DLGAP1: variants seen among roughly 807,000 people sequenced by gnomAD.
The protein encoded by DLGAP1 is disks large-associated protein 1.
In DLGAP1, 11 loss-of-function variants were observed where a neutral mutation model predicts 90.8. The observed-to-expected ratio is 0.12, with a 90% CI of 0.08 to 0.20. The LOEUF (loss-of-function observed/expected upper bound fraction) is 0.20. DLGAP1 is among the 10% of genes least tolerant of loss of function. The pLI is 1.00. For missense variants in DLGAP1, 1,050 were observed against 1,333.8 expected, an observed-to-expected ratio of 0.79 and a Z score of 3.31; for synonymous variants, 558 against 540.7, an observed-to-expected ratio of 1.03 and a Z score of -0.44.
chr18:4,149,780 C>A (rs764535258), intron 2 of DLGAP1, among the ~76,000 whole-genome samples: 4 of 152,178 alleles, frequency 2.6e-5, no homozygotes, highest in Non-Finnish European at 5.9e-5. Context: ...AGTTTTATCC[C>A]GAAACCATCT....
At chr18:3,543,166 A>ATTTTTTTTTTTT (rs76751283) in intron 9 of DLGAP1, among the ~76,000 whole-genome samples, 5 of 64,122 alleles carry the variant, frequency 7.8e-5, no homozygotes, top group Admixed American at 1.9e-4. Flanking sequence ...CATGACTCCA[A>ATTTTTTTTTTTT]TTTTTTTTTT....
chr18:3,548,980 T>C (rs2053221175), intron 9 of DLGAP1, among the ~76,000 whole-genome samples: 1 of 151,908 alleles, frequency 6.6e-6, no homozygotes, highest in South Asian at 2.1e-4. Context: ...GAGGTGGCAG[T>C]AAGCCAAGAT....
At chr18:4,429,109 C>T (rs1011837732) in intron 1 of DLGAP1, among the ~76,000 whole-genome samples, 1 of 152,092 alleles carries the variant, frequency 6.6e-6, no homozygotes, top group Non-Finnish European at 1.5e-5. Flanking sequence ...AATACCTTTG[C>T]AATGAAATCT....
intron 6 of DLGAP1, among the ~76,000 whole-genome samples, chr18:3,739,344 C>T (rs1290618477): frequency 6.8e-6 from 1 of 147,232 alleles, no homozygotes; most frequent in Non-Finnish European, 1.5e-5. Context: ...TATTGTGGCA[C>T]TATTCACAAT....
chr18:4,346,321 C>T (rs566140571), intron 1 of DLGAP1, among the ~76,000 whole-genome samples: 176 of 151,882 alleles, frequency 1.2e-3, no homozygotes, highest in Non-Finnish European at 1.7e-3. Flanking sequence ...TTGGACCTAT[C>T]GTATTTAAGG....
chr18:3,541,926 A>T (rs1161135119), intron 9 of DLGAP1, among the ~76,000 whole-genome samples: 1 of 151,918 alleles, frequency 6.6e-6, no homozygotes, highest in Admixed American at 6.6e-5. Flanking sequence ...AAGGGGTAAC[A>T]GTCCTATTCA....
chr18:3,703,827 G>T (rs1034390315), intron 7 of DLGAP1, among the ~76,000 whole-genome samples: 1 of 152,090 alleles, frequency 6.6e-6, no homozygotes, highest in Non-Finnish European at 1.5e-5. Context: ...CTCAGCAGCC[G>T]CCAGAGGGAG....
chr18:3,782,958 T>A (rs1422279741), intron 5 of DLGAP1, among the ~76,000 whole-genome samples: 1 of 152,130 alleles, frequency 6.6e-6, no homozygotes, highest in East Asian at 1.9e-4. Context: ...ACTCAATTAT[T>A]CAAAGACAAA....
intron 11 of DLGAP1, among the ~76,000 whole-genome samples, chr18:3,506,846 G>A (rs1483990354): frequency 6.6e-6 from 1 of 151,770 alleles, no homozygotes; most frequent in Non-Finnish European, 1.5e-5. Flanking sequence ...AAATTAACAG[G>A]AGTTCTGTAC....
intron 1 of DLGAP1, among the ~76,000 whole-genome samples, chr18:4,250,818 T>A (rs2078763471): frequency 6.6e-6 from 1 of 152,216 alleles, no homozygotes; most frequent in Non-Finnish European, 1.5e-5. Context: ...AATGACTTAT[T>A]CAAAAGCAGA....
intron 1 of DLGAP1, among the ~76,000 whole-genome samples, chr18:4,288,263 T>C (rs2079754436): frequency 6.6e-6 from 1 of 152,112 alleles, no homozygotes; most frequent in Non-Finnish European, 1.5e-5. Flanking sequence ...GCACTAGGCA[T>C]TGGGGATTTT....
chr18:3,582,363 A>C, intron 7 of DLGAP1, 115 bp from the exon 8 acceptor site: 1 of 1,471,842 alleles, frequency 6.8e-7, no homozygotes, highest in East Asian at 2.3e-5. Context: ...GACATTTAAC[A>C]GGAAAACAAG....
At chr18:3,697,116 A>C (rs1416970283) in intron 7 of DLGAP1, among the ~76,000 whole-genome samples, 1 of 151,820 alleles carries the variant, frequency 6.6e-6, no homozygotes, top group African/African-American at 2.4e-5. Flanking sequence ...CTAGTGGTCT[A>C]TTTTGTTAAT....
At chr18:3,772,853 C>G (rs2064753671) in intron 5 of DLGAP1, among the ~76,000 whole-genome samples, 1 of 152,118 alleles carries the variant, frequency 6.6e-6, no homozygotes, top group Non-Finnish European at 1.5e-5. Flanking sequence ...CTTAACTGCA[C>G]TAAAGTTTGA....
At chr18:4,336,472 A>C (rs2081069115) in intron 1 of DLGAP1, among the ~76,000 whole-genome samples, 2 of 152,206 alleles carry the variant, frequency 1.3e-5, no homozygotes, top group African/African-American at 4.8e-5. Context: ...TGAGGCCCAA[A>C]GATGCTGGCA....
chr18:3,977,060 T>G (rs564974570), intron 3 of DLGAP1, among the ~76,000 whole-genome samples: 125 of 152,236 alleles, frequency 8.2e-4, no homozygotes, highest in African/African-American at 2.9e-3. Context: ...GATTGATTCT[T>G]CTCATTTTAT....
intron 6 of DLGAP1, among the ~76,000 whole-genome samples, chr18:3,730,436 T>G (rs1388660372): frequency 6.6e-6 from 1 of 152,184 alleles, no homozygotes; most frequent in Non-Finnish European, 1.5e-5. Flanking sequence ...TACATTAGGT[T>G]TGAGCCCCAC....
intron 1 of DLGAP1, among the ~76,000 whole-genome samples, chr18:4,328,777 A>G (rs141771164): frequency 1.3e-3 from 192 of 151,954 alleles, no homozygotes; most frequent in African/African-American, 4.4e-3. Flanking sequence ...TTCCATTTGC[A>G]TTTCTCTAAT....
intron 1 of DLGAP1, among the ~76,000 whole-genome samples, chr18:4,231,618 A>G (rs989642): frequency 0.071 from 10,517 of 148,396 alleles, 528 homozygotes; most frequent in African/African-American, 0.14. Flanking sequence ...TTTCAGTTCT[A>G]TTTTTTTTTT....
Sources: gnomAD v4.1 joint callset for allele counts (sites outside exome capture counted in the v4.1 genomes callset) on GRCh38, gnomAD v4.1.1 for gene constraint, MANE v1.5 for transcripts, NCBI Gene and HGNC (gene_info 2026-07-23, HGNC 2026-07-21) for gene names.